BRAF: variants seen among roughly 807,000 people sequenced by gnomAD.
BRAF encodes the protein B-Raf proto-oncogene, serine/threonine kinase.
In BRAF, 16 loss-of-function variants were observed where a neutral mutation model predicts 104.6. The ratio of observed to expected loss-of-function variants is 0.15; its 90% confidence interval spans 0.10 to 0.23. BRAF has a LOEUF of 0.23. Ranked by LOEUF, BRAF falls within the 10% of genes least tolerant of loss-of-function variation. The pLI, the probability that BRAF is intolerant of heterozygous loss-of-function variation, is 1.00. For synonymous variants in BRAF, 310 were observed against 341.6 expected, an observed-to-expected ratio of 0.91 and a Z score of 1.02; for missense variants, 541 against 937.3, an observed-to-expected ratio of 0.58 and a Z score of 5.52.
chr7:140,782,627 T>C (rs1267642), intron 11 of BRAF, among the ~76,000 whole-genome samples: 14,860 of 152,234 alleles, frequency 0.098, 785 homozygotes, highest in South Asian at 0.19. Context: ...GTTTGTTACA[T>C]ACGTATACAT....
At chr7:140,908,989 C>CTTTTTTTTTTTTTTT (rs1224922004) in intron 1 of BRAF, among the ~76,000 whole-genome samples, 1 of 120,204 alleles carries the variant, frequency 8.3e-6, no homozygotes, top group African/African-American at 2.9e-5. Context: ...TCTACGTTTT[C>CTTTTTTTTTTTTTTT]TTTTTTTTTT....
Position 140,726,448 on chromosome 7 carries a change from G to T in BRAF, c.*46C>A, listed in dbSNP as rs1421124767. On this transcript the variant is annotated 3_prime_UTR_variant, in exon 20 of 20. Transcript: ENST00000644969. ...GTGTTTTGATGTTAACAAATTGTACGAACACAAGACTTAAGAAATAAGAGC... is the reference window on the plus strand; with the variant it reads ...GTGTTTTGATGTTAACAAATTGTACTAACACAAGACTTAAGAAATAAGAGC... 2.6e-6 allele frequency: 4 copies of T among 1,532,922 alleles called. No individual in the cohort carries two copies. The South Asian group carries it at 4.8e-5, about 19-fold the overall frequency. The allele number at this position is 1,532,922 out of a possible 1,614,324, so 95.0% of individuals were successfully genotyped here. A position where few individuals can be genotyped will look rare whatever the true frequency, so the allele number is the denominator to read the frequency against.
chr7:140,768,601 C>T (rs1312864788), intron 14 of BRAF, among the ~76,000 whole-genome samples: 1 of 152,110 alleles, frequency 6.6e-6, no homozygotes, highest in Non-Finnish European at 1.5e-5. Flanking sequence ...TCAAGTGATC[C>T]TCCTGCCTCA....
At chr7:140,844,878 C>A (rs1268707795) in intron 2 of BRAF, among the ~76,000 whole-genome samples, 1 of 151,942 alleles carries the variant, frequency 6.6e-6, no homozygotes, top group Admixed American at 6.6e-5. Context: ...CAAGATCACA[C>A]CACTGCACTC....
chr7:140,906,805 T>C (rs1816374959), intron 1 of BRAF, among the ~76,000 whole-genome samples: 1 of 152,236 alleles, frequency 6.6e-6, no homozygotes, highest in Non-Finnish European at 1.5e-5. Flanking sequence ...GTTGCTTCTT[T>C]GAAAAACATC....
chr7:140,779,676 T>G (rs1329232102), intron 12 of BRAF: 1 of 152,214 alleles, frequency 6.6e-6, no homozygotes, highest in East Asian at 1.9e-4. Context: ...CTCACACCTG[T>G]AATCCCAGCA....
intron 3 of BRAF, among the ~76,000 whole-genome samples, chr7:140,825,351 C>G (rs2129056677): frequency 6.6e-6 from 1 of 152,250 alleles, no homozygotes; most frequent in South Asian, 2.1e-4. Flanking sequence ...CAAAGATTAT[C>G]AATCTGTGGT....
Position 140,830,200 on chromosome 7 carries a change from CTTTCT to C in BRAF, c.504+4404_504+4408del, listed in dbSNP as rs143793599. Among the ~76,000 whole-genome samples the C allele has an allele frequency of 3.0e-4, 45 of 152,164 alleles. No individual in the cohort carries two copies. The East Asian group carries it at 8.1e-3, about 27-fold the overall frequency. ...ATAATATTTTTACATCTTCTAGTTG[CTTTCT>C]TTTCTTGAGTTTTCTCTGTTGCTGT... On this transcript the variant is annotated intron_variant, in intron 3 of 19. Transcript: ENST00000644969.
chr7:140,720,923 T>C lies in BRAF; in HGVS notation c.*5571A>G. 3 of 1,065,880 alleles carry C rather than the reference T, an allele frequency of 2.8e-6. No homozygotes were observed. The highest frequency in any genetic ancestry group is 3.4e-6 in the Non-Finnish European group (3 of 879,622). 66.0% of individuals were successfully genotyped at this position (1,065,880 alleles called of 1,614,324 possible). On this transcript the variant is annotated 3_prime_UTR_variant, in exon 20 of 20. Transcript: ENST00000644969. ...CAAATTTTCTGCCAACTCTCCCGCA[T>C]ATGTGCTGTACATGAGAACCAGCGG...
intron 14 of BRAF, among the ~76,000 whole-genome samples, chr7:140,767,463 A>T (rs1430080056): frequency 2.0e-5 from 3 of 152,172 alleles, no homozygotes; most frequent in South Asian, 2.1e-4. Flanking sequence ...AAGGCAGAAG[A>T]ACCTGGTATG....
intron 1 of BRAF, among the ~76,000 whole-genome samples, chr7:140,889,253 C>T (rs1364668520): frequency 6.6e-6 from 1 of 152,150 alleles, no homozygotes; most frequent in African/African-American, 2.4e-5. Flanking sequence ...ATCCAGGCTA[C>T]TTAAAATATG....
intron 2 of BRAF, among the ~76,000 whole-genome samples, chr7:140,839,243 C>T (rs917376079): frequency 1.4e-4 from 22 of 152,162 alleles, no homozygotes; most frequent in Middle Eastern, 6.8e-3. Flanking sequence ...GGGAGGTCAA[C>T]GCTGGAGGAT....
intron 19 of BRAF, among the ~76,000 whole-genome samples, chr7:140,726,809 A>C (rs531555295): frequency 2.6e-5 from 4 of 152,236 alleles, no homozygotes; most frequent in Non-Finnish European, 4.4e-5. Flanking sequence ...AATGAACAAA[A>C]TTTCTCAGAA....
intron 12 of BRAF, among the ~76,000 whole-genome samples, chr7:140,779,270 T>C (rs1199146829): frequency 6.6e-6 from 1 of 152,104 alleles, no homozygotes; most frequent in East Asian, 1.9e-4. Context: ...TCTTGCTCTG[T>C]CACCTAGGCT....
intron 1 of BRAF, among the ~76,000 whole-genome samples, chr7:140,861,879 A>G (rs1027544376): frequency 5.3e-5 from 8 of 152,194 alleles, no homozygotes; most frequent in Non-Finnish European, 1.0e-4. Context: ...AGAGGGAAAG[A>G]GGGAAGATAC....
intron 3 of BRAF, among the ~76,000 whole-genome samples, chr7:140,817,498 C>A (rs1394811862): frequency 6.6e-6 from 1 of 152,024 alleles, no homozygotes; most frequent in Non-Finnish European, 1.5e-5. Flanking sequence ...ATAGCCAAAG[C>A]AAAAAGAACA....
At chr7:140,882,719 G>A (rs994973488) in intron 1 of BRAF, among the ~76,000 whole-genome samples, 2 of 151,940 alleles carry the variant, frequency 1.3e-5, no homozygotes, top group East Asian at 2.0e-4. Context: ...TTGGCTGGGC[G>A]CGGTGACTCA....
chr7:140,764,985 C>A (rs1039960864), intron 14 of BRAF, among the ~76,000 whole-genome samples: 6 of 152,176 alleles, frequency 3.9e-5, no homozygotes, highest in Admixed American at 2.0e-4. Flanking sequence ...GAGCCCGCAT[C>A]ACCAAGGCAA....
intron 18 of BRAF, among the ~76,000 whole-genome samples, chr7:140,735,578 C>T (rs1440747605): frequency 3.4e-5 from 5 of 146,892 alleles, no homozygotes; most frequent in Admixed American, 1.4e-4. Context: ...TTTTTTGAAA[C>T]GGAGTCTCGC....
Sources: gnomAD v4.1 joint callset for allele counts (sites outside exome capture counted in the v4.1 genomes callset) on GRCh38, gnomAD v4.1.1 for gene constraint, MANE v1.5 for transcripts, NCBI Gene and HGNC (gene_info 2026-07-23, HGNC 2026-07-21) for gene names.